NEBL: variants seen among roughly 807,000 people sequenced by gnomAD.
NEBL encodes nebulette.
Under a neutral mutation model 140.2 loss-of-function variants are expected in NEBL, and 122 were observed. The ratio of observed to expected loss-of-function variants is 0.87; its 90% CI spans 0.75 to 1.01. The LOEUF (loss-of-function observed/expected upper bound fraction) is 1.01, where lower values mean the gene tolerates loss of function less well. Ranked by LOEUF, NEBL falls within the 50% of genes least tolerant of loss-of-function variation. NEBL has a pLI of 0.00. For missense variants in NEBL, 1,365 were observed against 1,231.3 expected, an observed-to-expected ratio of 1.11 and a Z score of -1.62; for synonymous variants, 436 against 398.9, an observed-to-expected ratio of 1.09 and a Z score of -1.11.
intron 3 of NEBL, among the ~76,000 whole-genome samples, chr10:21,234,349 G>C (rs35240427): frequency 0.04 from 6,118 of 152,086 alleles, 189 homozygotes; most frequent in South Asian, 0.14. Context: ...GTTCACCAGA[G>C]AGCGGGTTGT....
At chr10:21,242,889 G>T (rs1428117493) in intron 3 of NEBL, among the ~76,000 whole-genome samples, 3 of 152,128 alleles carry the variant, frequency 2.0e-5, no homozygotes, top group African/African-American at 7.2e-5. Flanking sequence ...GCAATGTTTG[G>T]GGGTGAGAAG....
At chr10:21,112,172 A>T (rs1204191899) in intron 2 of NEBL, among the ~76,000 whole-genome samples, 2 of 151,958 alleles carry the variant, frequency 1.3e-5, no homozygotes, top group South Asian at 4.2e-4. Flanking sequence ...CATTGTGGAA[A>T]ACAGTGTGGC....
chr10:20,896,088 C>T (rs1276108861), intron 2 of NEBL, among the ~76,000 whole-genome samples: 1 of 152,008 alleles, frequency 6.6e-6, no homozygotes, highest in East Asian at 1.9e-4. Flanking sequence ...ACATTCTGAT[C>T]ATTTTGCTTA....
rs11012597 is a variant in NEBL at position 21,233,757 on chromosome 10, G to A, written n.348+14164C>T. Among the ~76,000 whole-genome samples the A allele has an allele frequency of 1.4e-3, 186 of 131,876 alleles. 5 individuals carry two copies. The highest frequency in any genetic ancestry group is 4.3e-3 in the South Asian group (17 of 3,936). The allele number at this position is 131,876 out of a possible 152,430, so 86.5% of individuals were successfully genotyped here. A position where few individuals can be genotyped will look rare whatever the true frequency, so the allele number is the denominator to read the frequency against. ...CATATATAGATATATATTACATATA[G>A]ATATATATTACATATAAATGCATAT... On this transcript the variant is annotated intron_variant and non_coding_transcript_variant, in intron 3 of 8. Coordinates refer to the NEBL transcript ENST00000675702.
intron 2 of NEBL, among the ~76,000 whole-genome samples, chr10:21,128,747 A>T (rs534023006): frequency 6.6e-5 from 10 of 152,358 alleles, no homozygotes; most frequent in Admixed American, 5.9e-4. Flanking sequence ...GTTAAAACAC[A>T]TTTTTTAAAA....
intron 1 of NEBL, among the ~76,000 whole-genome samples, chr10:21,255,612 G>A (rs1842647788): frequency 1.3e-5 from 2 of 152,136 alleles, no homozygotes; most frequent in East Asian, 1.9e-4. Context: ...CAACATCATC[G>A]TAGGAAATTT....
At chr10:21,231,846 C>T (rs529533396) in intron 3 of NEBL, among the ~76,000 whole-genome samples, 145 of 152,052 alleles carry the variant, frequency 9.5e-4, no homozygotes, top group Middle Eastern at 3.4e-3. Flanking sequence ...GAACAGACCC[C>T]CTCTTGGCCA....
chr10:21,245,997 A>C (rs796352303), intron 3 of NEBL, among the ~76,000 whole-genome samples: 11 of 152,276 alleles, frequency 7.2e-5, no homozygotes, highest in African/African-American at 2.6e-4. Context: ...ACCCAGCCAT[A>C]TATTACTTTT....
At chr10:20,922,697 A>T (rs1446842183) in intron 4 of NEBL, among the ~76,000 whole-genome samples, 1 of 152,236 alleles carries the variant, frequency 6.6e-6, no homozygotes, top group Non-Finnish European at 1.5e-5. Flanking sequence ...TCCAGAATGC[A>T]GCCCAGCATG....
Position 20,782,356 on chromosome 10 carries a change from G to C in NEBL, c.*3391C>G, listed in dbSNP as rs1411948718. 1.3e-5 allele frequency: 2 copies of C among 152,600 alleles called. No homozygotes were observed. Among genetic ancestry groups the C allele is most frequent in the East Asian group, 3.9e-4 (2 of 5,190 alleles). The allele number at this position is 152,600 out of a possible 1,614,324, so 9.5% of individuals were successfully genotyped here. On this transcript the variant is annotated 3_prime_UTR_variant, in exon 28 of 28. Coordinates refer to ENST00000377122, the MANE Select transcript of NEBL (RefSeq NM_006393.3). ...ATATCTTTTATCCACTTTCTATAGG[G>C]ATGTGTTATTAAAGATCACACACAT... is the stretch of plus-strand genomic sequence containing the variant.
chr10:21,242,641 T>C (rs1337912427), intron 3 of NEBL, among the ~76,000 whole-genome samples: 1 of 152,148 alleles, frequency 6.6e-6, no homozygotes, highest in Non-Finnish European at 1.5e-5. Context: ...CATCCTGCTG[T>C]ACTGGCCGAG....
intron 14 of NEBL, among the ~76,000 whole-genome samples, chr10:20,832,996 A>C (rs915021896): frequency 6.6e-6 from 1 of 152,256 alleles, no homozygotes. Flanking sequence ...AAATATGATG[A>C]AACTGAGGCA....
exon 1 of NEBL, among the ~76,000 whole-genome samples, chr10:21,292,999 TAA>T (rs1843165652): frequency 2.0e-5 from 3 of 152,190 alleles, no homozygotes; most frequent in Admixed American, 1.3e-4. Flanking sequence ...AGAGAGCAAG[TAA>T]AAGAGTCTCC....
chr10:20,950,378 A>C (rs959806909), intron 4 of NEBL, among the ~76,000 whole-genome samples: 1 of 152,314 alleles, frequency 6.6e-6, no homozygotes, highest in Middle Eastern at 3.4e-3. Context: ...TCCTGCCTCA[A>C]CCTATATTTC....
chr10:21,187,908 T>C (rs1247268008), intron 3 of NEBL, among the ~76,000 whole-genome samples: 1 of 152,188 alleles, frequency 6.6e-6, no homozygotes, highest in African/African-American at 2.4e-5. Flanking sequence ...TTTTCTCCCA[T>C]CTTCATTGTG....
At chr10:21,246,717 C>A (rs1398339039) in intron 3 of NEBL, among the ~76,000 whole-genome samples, 1 of 151,924 alleles carries the variant, frequency 6.6e-6, no homozygotes, top group Non-Finnish European at 1.5e-5. Flanking sequence ...GCCTGTAGTT[C>A]CAGCTGCTCT....
intron 2 of NEBL, among the ~76,000 whole-genome samples, chr10:21,049,100 C>A (rs965192601): frequency 1.3e-5 from 2 of 152,172 alleles, no homozygotes; most frequent in African/African-American, 4.8e-5. Context: ...GCCCTCAACT[C>A]TTTAAATGAG....
At chr10:20,832,991 T>C (rs1840559518) in intron 14 of NEBL, among the ~76,000 whole-genome samples, 1 of 152,218 alleles carries the variant, frequency 6.6e-6, no homozygotes, top group Non-Finnish European at 1.5e-5. Flanking sequence ...CCAACAAATA[T>C]GATGAAACTG....
chr10:21,147,395 G>A lies in NEBL; in HGVS notation c.164+24988C>T, dbSNP rs1191352305. On this transcript the variant is annotated intron_variant, in intron 2 of 6. Transcript: ENST00000417816. ...TCTTCTCTGACCCTGTTTCTCCTCCGGTTTTTTTTTTTTTTTTTTTAGACA... is the reference window on the plus strand; with the variant it reads ...TCTTCTCTGACCCTGTTTCTCCTCCAGTTTTTTTTTTTTTTTTTTTAGACA... 1.8e-4 allele frequency among the ~76,000 whole-genome samples: 26 copies of A among 143,934 alleles called. 1 individual carries two copies. Among genetic ancestry groups the A allele is most frequent in the Non-Finnish European group, 3.0e-5 (2 of 67,352 alleles). 94.4% of individuals were successfully genotyped at this position (143,934 alleles called of 152,430 possible).
Sources: gnomAD v4.1 joint callset for allele counts (sites outside exome capture counted in the v4.1 genomes callset) on GRCh38, gnomAD v4.1.1 for gene constraint, MANE v1.5 for transcripts, NCBI Gene and HGNC (gene_info 2026-07-23, HGNC 2026-07-21) for gene names.